Variants in CPM observed in about 807,000 individuals in gnomAD.
The protein encoded by CPM is renal carboxypeptidase.
In CPM, 35 loss-of-function variants were observed where a neutral mutation model predicts 46.4. The observed-to-expected ratio is 0.75, with a 90% CI of 0.58 to 1.00. The LOEUF (loss-of-function observed/expected upper bound fraction) is 1.00, where lower values mean the gene tolerates loss of function less well. Ranked by LOEUF, CPM falls within the 50% of genes least tolerant of loss-of-function variation. CPM has a pLI of 0.00. For synonymous variants in CPM, 195 were observed against 195.3 expected (o/e 1.00, Z 0.01); for missense variants, 422 against 530.4 (o/e 0.80, Z 2.01).
upstream of CPM, among the ~76,000 whole-genome samples, chr12:68,934,428 A>C (rs1483298080): frequency 2.0e-5 from 3 of 152,144 alleles, no homozygotes; most frequent in African/African-American, 7.2e-5. Flanking sequence ...CTTTTCCTAG[A>C]ATTGCGCACT....
rs1884727684 is a variant in CPM at position 68,852,228 on chromosome 12, A to G, written c.*4209T>C. ...ATGTCTGAATGTAATTAAGCATCCAAATCAACACTGTCATTTATCTGCAGG... is the reference window on the plus strand; with the variant it reads ...ATGTCTGAATGTAATTAAGCATCCAGATCAACACTGTCATTTATCTGCAGG... On this transcript the variant is annotated 3_prime_UTR_variant, in exon 9 of 9. Transcript: ENST00000551568. 6.6e-6 allele frequency: 1 copy of G among 152,254 alleles called. No individual in the cohort carries two copies. Among genetic ancestry groups the G allele is most frequent in the Non-Finnish European group, 1.5e-5 (1 of 68,044 alleles). The allele number at this position is 152,254 out of a possible 1,614,324, so 9.4% of individuals were successfully genotyped here.
Position 68,856,259 on chromosome 12 carries a change from T to C in CPM, c.*178A>G, listed in dbSNP as rs1025827042. On this transcript the variant is annotated 3_prime_UTR_variant, in exon 9 of 9. Coordinates refer to ENST00000551568, the MANE Select transcript of CPM (RefSeq NM_198320.5). ...TTCACCGTCAAGACTGAATCATTCT[T>C]TTCATTATCACCACATATTGCTTAT... is the stretch of plus-strand genomic sequence containing the variant. 1.0e-5 allele frequency: 7 copies of C among 685,140 alleles called. No individual in the cohort carries two copies. The highest frequency in any genetic ancestry group is 1.8e-5 in the African/African-American group (1 of 55,412). 42.4% of individuals were successfully genotyped at this position (685,140 alleles called of 1,614,324 possible).
chr12:68,917,701 C>G (rs1481322441), intron 2 of CPM, among the ~76,000 whole-genome samples: 4 of 152,122 alleles, frequency 2.6e-5, no homozygotes, highest in African/African-American at 7.2e-5. Context: ...CAAAATATAT[C>G]AAGACAGTAT....
At chr12:68,937,279 G>A (rs1325088471), upstream of CPM, among the ~76,000 whole-genome samples, 1 of 152,236 alleles carries the variant, frequency 6.6e-6, no homozygotes, top group African/African-American at 2.4e-5. Context: ...AAACCTAAAT[G>A]TCAAACAACA....
Position 68,961,771 on chromosome 12 carries a change from C to CA in CPM, c.-4+1397dup, listed in dbSNP as rs796574135. Among the ~76,000 whole-genome samples, 8 of 132,182 alleles carry CA rather than the reference C, an allele frequency of 6.1e-5. No individual in the cohort carries two copies. In the East Asian group the frequency reaches 9.2e-4, roughly 15 times the overall value. 86.7% of individuals were successfully genotyped at this position (132,182 alleles called of 152,430 possible). A position where few individuals can be genotyped will look rare whatever the true frequency, so the allele number is the denominator to read the frequency against. Reference sequence around the variant, plus strand: ...TCTACTAAATAAACAAACAGACAAACAACAACAAAAAACTCAACAACTGTG... The same window carrying CA: ...TCTACTAAATAAACAAACAGACAAACAAACAACAAAAAACTCAACAACTGTG... On this transcript the variant is annotated intron_variant, in intron 1 of 8. Coordinates refer to the CPM transcript ENST00000546373.
intron 1 of CPM, 91 bp from the exon 2 acceptor site, chr12:68,932,931 TCTCC>T: frequency 6.6e-6 from 8 of 1,207,510 alleles, no homozygotes; most frequent in Non-Finnish European, 8.3e-6. Context: ...GGTCTCAGGG[TCTCC>T]CGACACTGAC....
chr12:68,934,064 CCT>C (rs1371428178), upstream of CPM, among the ~76,000 whole-genome samples: 1 of 152,094 alleles, frequency 6.6e-6, no homozygotes, highest in Non-Finnish European at 1.5e-5. Flanking sequence ...ACCCCCTCTA[CCT>C]CTCTAAAAGA....
chr12:68,869,193 T>G (rs924634878), intron 6 of CPM, 132 bp downstream of exon 6: 3 of 689,746 alleles, frequency 4.3e-6, no homozygotes, highest in Admixed American at 6.0e-5. Flanking sequence ...TCTTATGATA[T>G]TAGCTGATAA....
intron 2 of CPM, among the ~76,000 whole-genome samples, chr12:68,907,053 C>T (rs897465315): frequency 6.6e-6 from 1 of 152,166 alleles, no homozygotes; most frequent in Non-Finnish European, 1.5e-5. Flanking sequence ...CTAAAGTTTG[C>T]CAGGAACTAT....
chr12:68,865,959 G>A (rs1373466364), intron 7 of CPM, among the ~76,000 whole-genome samples: 7 of 152,218 alleles, frequency 4.6e-5, no homozygotes, highest in Middle Eastern at 3.4e-3. Flanking sequence ...TTTAGCAAGC[G>A]CTCCCGGTGA....
intron 1 of CPM, among the ~76,000 whole-genome samples, chr12:68,945,845 TC>T (rs1438494815): frequency 1.4e-5 from 2 of 144,482 alleles, no homozygotes; most frequent in Non-Finnish European, 3.0e-5. Flanking sequence ...TTTCTTTCTT[TC>T]TTTTTTTTTT....
intron 1 of CPM, among the ~76,000 whole-genome samples, chr12:68,951,240 A>G (rs1888930398): frequency 6.6e-6 from 1 of 152,226 alleles, no homozygotes; most frequent in African/African-American, 2.4e-5. Context: ...AATAAAAATC[A>G]CTTAACAATG....
At position 68,962,210 on chromosome 12, in the gene CPM, A is replaced by AAC. The variant is rs1555203341; in HGVS notation, c.-4+958_-4+959insGT. Reference sequence around the variant, plus strand: ...GCGAGACTCCATCTCAAAAAAAAAAAAAAAAAAACCAAGTGTGATAATACA... The same window carrying AAC: ...GCGAGACTCCATCTCAAAAAAAAAAAACAAAAAAAACCAAGTGTGATAATACA... On this transcript the variant is annotated intron_variant, in intron 1 of 8. Transcript: ENST00000546373. 4.0e-3 allele frequency among the ~76,000 whole-genome samples: 590 copies of AAC among 145,906 alleles called. 9 individuals carry two copies. The highest frequency in any genetic ancestry group is 0.04 in the East Asian group (203 of 5,062).
chr12:68,859,056 A>G lies in CPM; in HGVS notation c.956T>C (p.Val319Ala). The G allele has an allele frequency of 6.6e-7, 1 of 1,524,662 alleles. No individual in the cohort carries two copies. 94.4% of individuals were successfully genotyped at this position (1,524,662 alleles called of 1,614,324 possible). The change falls in exon 8 of 9, where the codon GTT (valine) becomes GCT (alanine). Residue 319 changes from valine to alanine, a missense_variant. Transcript: ENST00000551568. ...TAATGGATTTCCATTCTGATCAAAAACTTGACCCTTTACACCTGCAAGACA... is the reference window on the plus strand; with the variant it reads ...TAATGGATTTCCATTCTGATCAAAAGCTTGACCCTTTACACCTGCAAGACA... ...KQVHLGVKGQ[V>A]FDQNGNPLPN... is the part of the protein sequence containing the mutation.
In CPM at chr12:68,856,372, C is replaced by T. The variant is rs186984286; in HGVS notation, c.*65G>A. ...GTCCCACTAGAGTGAGTTAGGGTTG[C>T]AGTAACCTGGAGTGAGCAATCCCTG... On this transcript the variant is annotated 3_prime_UTR_variant, in exon 9 of 9. Coordinates refer to ENST00000551568, the MANE Select transcript of CPM (RefSeq NM_198320.5). The T allele has an allele frequency of 3.2e-6, 5 of 1,547,044 alleles. No homozygotes were observed. In the Admixed American group the frequency reaches 7.4e-5, roughly 23 times the overall value.
chr12:68,959,389 G>A (rs931163084), intron 1 of CPM, among the ~76,000 whole-genome samples: 1 of 151,980 alleles, frequency 6.6e-6, no homozygotes, highest in African/African-American at 2.4e-5. Context: ...AGTGGCCACT[G>A]CCTTAAAATA....
At chr12:68,877,497 C>T (rs183630827) in intron 3 of CPM, among the ~76,000 whole-genome samples, 7 of 152,202 alleles carry the variant, frequency 4.6e-5, no homozygotes, top group African/African-American at 1.2e-4. Flanking sequence ...TTTTAAATAC[C>T]GAACACATTT....
At chr12:68,902,072 T>C (rs550259070) in intron 2 of CPM, among the ~76,000 whole-genome samples, 7 of 152,316 alleles carry the variant, frequency 4.6e-5, no homozygotes, top group African/African-American at 1.7e-4. Flanking sequence ...TCATAACACA[T>C]ACTTGATAAA....
chr12:68,914,874 C>A (rs1446390505), intron 2 of CPM, among the ~76,000 whole-genome samples: 2 of 152,138 alleles, frequency 1.3e-5, no homozygotes, highest in Non-Finnish European at 2.9e-5. Context: ...GCTAAGTAGT[C>A]TCAGGCAAGT....
Sources: gnomAD v4.1 joint callset for allele counts (sites outside exome capture counted in the v4.1 genomes callset) on GRCh38, gnomAD v4.1.1 for gene constraint, MANE v1.5 for transcripts, NCBI Gene and HGNC (gene_info 2026-07-23, HGNC 2026-07-21) for gene names.